Variants in EFR3A observed in about 807,000 individuals in gnomAD.
The protein encoded by EFR3A is EFR3 homolog A, also known as protein EFR3 homolog A.
EFR3A carries 76 observed loss-of-function variants against 104.4 expected under a neutral mutation model. The ratio of observed to expected loss-of-function variants is 0.73; its 90% confidence interval spans 0.60 to 0.88. The LOEUF (loss-of-function observed/expected upper bound fraction) is 0.88, where lower values mean the gene tolerates loss of function less well. Among genes scored for constraint, EFR3A ranks in the 40% least tolerant of loss-of-function variants. EFR3A has a pLI of 0.00. For synonymous variants in EFR3A, 330 were observed against 330.0 expected, an observed-to-expected ratio of 1.00 and a Z score of 0.00; for missense variants, 985 against 1,012.5, an observed-to-expected ratio of 0.97 and a Z score of 0.37.
chr8:131,964,560 A>G (rs2130671984), intron 8 of EFR3A, among the ~76,000 whole-genome samples: 1 of 152,320 alleles, frequency 6.6e-6, no homozygotes, highest in Non-Finnish European at 1.5e-5. Flanking sequence ...CCACTGCTCA[A>G]CGAAATAAAA....
chr8:132,003,318 C>A (rs760903822), intron 22 of EFR3A, 33 bp downstream of exon 22: 3 of 1,584,684 alleles, frequency 1.9e-6, no homozygotes, highest in Non-Finnish European at 2.6e-6. Context: ...AGCAATAACA[C>A]ACACACACGA....
At chr8:132,000,605 T>C (rs1466326800) in intron 19 of EFR3A, 4 of 152,228 alleles carry the variant, frequency 2.6e-5, no homozygotes, top group Admixed American at 1.3e-4. Flanking sequence ...ACTTCTCCCA[T>C]GTTCTTTTTC....
chr8:131,937,643 G>A (rs1403491921), intron 1 of EFR3A, among the ~76,000 whole-genome samples: 5 of 151,998 alleles, frequency 3.3e-5, no homozygotes, highest in Non-Finnish European at 7.4e-5. Context: ...ATATTTCCTA[G>A]GTGACAAACA....
intron 1 of EFR3A, among the ~76,000 whole-genome samples, chr8:131,908,100 G>C (rs756810325): frequency 6.6e-6 from 1 of 151,064 alleles, no homozygotes; most frequent in Non-Finnish European, 1.5e-5. Flanking sequence ...TCGCTCTGTC[G>C]CCCAGGCTGG....
At chr8:132,003,381 A>G (rs1020547201) in intron 22 of EFR3A, 96 bp downstream of exon 22, 11 of 1,091,056 alleles carry the variant, frequency 1.0e-5, no homozygotes, top group Admixed American at 8.4e-5. Flanking sequence ...TTAAGTTATC[A>G]TGTTAAAGTA....
At chr8:132,002,063 T>C (rs1821808270) in intron 20 of EFR3A, among the ~76,000 whole-genome samples, 2 of 152,304 alleles carry the variant, frequency 1.3e-5, no homozygotes, top group East Asian at 1.9e-4. Context: ...TAATTTACTT[T>C]CTCACAAACT....
intron 15 of EFR3A, 109 bp downstream of exon 15, chr8:131,984,409 G>A: frequency 9.3e-7 from 1 of 1,069,898 alleles, no homozygotes; most frequent in Non-Finnish European, 1.3e-6. Flanking sequence ...GAGGTATCTA[G>A]TTGTAAATCT....
chr8:131,997,192 A>T (rs1821539756), intron 19 of EFR3A, among the ~76,000 whole-genome samples: 1 of 152,096 alleles, frequency 6.6e-6, no homozygotes, highest in South Asian at 2.1e-4. Context: ...GTCAAGTAAA[A>T]ATGCCAAAAT....
intron 7 of EFR3A, among the ~76,000 whole-genome samples, chr8:131,956,593 C>T (rs1248587620): frequency 6.6e-6 from 1 of 152,074 alleles, no homozygotes. Context: ...TCCTTTTCTC[C>T]TTCTGACTGT....
At chr8:132,006,459 G>C (rs1175690458) in intron 22 of EFR3A, among the ~76,000 whole-genome samples, 1 of 151,900 alleles carries the variant, frequency 6.6e-6, no homozygotes, top group Non-Finnish European at 1.5e-5. Context: ...AAAAATTATT[G>C]AAAGTCAAAA....
chr8:132,009,714 T>C (rs535336008), intron 22 of EFR3A, among the ~76,000 whole-genome samples: 167 of 152,206 alleles, frequency 1.1e-3, no homozygotes, highest in Non-Finnish European at 1.8e-3. Flanking sequence ...GTAGACAGCT[T>C]CACTCATTGT....
At chr8:131,933,655 A>G (rs959356973) in intron 1 of EFR3A, among the ~76,000 whole-genome samples, 6 of 152,154 alleles carry the variant, frequency 3.9e-5, no homozygotes, top group African/African-American at 1.4e-4. Flanking sequence ...AATATACAGT[A>G]AAGTTAAATT....
At chr8:132,009,668 T>C (rs901663383) in intron 22 of EFR3A, among the ~76,000 whole-genome samples, 2 of 152,028 alleles carry the variant, frequency 1.3e-5, no homozygotes, top group Non-Finnish European at 2.9e-5. Context: ...CGAGGAAGGG[T>C]CGGGGGAAGT....
intron 14 of EFR3A, among the ~76,000 whole-genome samples, chr8:131,981,368 A>G (rs1222420083): frequency 1.3e-5 from 2 of 152,112 alleles, no homozygotes; most frequent in African/African-American, 4.8e-5. Flanking sequence ...AGAATTAGTT[A>G]TTCCTCTGTT....
At chr8:131,963,507 C>A (rs1046641966) in intron 8 of EFR3A, among the ~76,000 whole-genome samples, 6 of 152,162 alleles carry the variant, frequency 3.9e-5, no homozygotes, top group Non-Finnish European at 8.8e-5. Flanking sequence ...CACACCCTCA[C>A]AAGACTAAAC....
At chr8:131,912,348 A>G (rs1363568610) in intron 1 of EFR3A, among the ~76,000 whole-genome samples, 1 of 152,228 alleles carries the variant, frequency 6.6e-6, no homozygotes, top group Non-Finnish European at 1.5e-5. Flanking sequence ...TTAATATCAA[A>G]TAGGAAAAAA....
chr8:131,957,385 T>C (rs1316748712), intron 7 of EFR3A, among the ~76,000 whole-genome samples: 1 of 146,896 alleles, frequency 6.8e-6, no homozygotes, highest in Non-Finnish European at 1.5e-5. Context: ...GAGTTTGCTG[T>C]TGTTGCCCAG....
At chr8:131,937,362 G>A (rs891174064) in intron 1 of EFR3A, among the ~76,000 whole-genome samples, 1 of 152,050 alleles carries the variant, frequency 6.6e-6, no homozygotes, top group African/African-American at 2.4e-5. Context: ...CACTGACTAA[G>A]GCTCAGAGAG....
intron 7 of EFR3A, among the ~76,000 whole-genome samples, chr8:131,959,165 T>A (rs1563664595): frequency 6.6e-6 from 1 of 152,194 alleles, no homozygotes; most frequent in Non-Finnish European, 1.5e-5. Context: ...AAAATTTAAT[T>A]TTGATACAGT....
Sources: allele counts gnomAD v4.1 joint callset (sites outside exome capture counted in the v4.1 genomes callset), GRCh38; gene constraint gnomAD v4.1.1; transcripts MANE v1.5; gene names NCBI Gene and HGNC (gene_info 2026-07-23, HGNC 2026-07-21).